The following EDA variants were observed in gnomAD, a reference collection of about 807,000 sequenced individuals.
EDA encodes the protein ectodysplasin-A.
In EDA, 2 loss-of-function variants were observed where a neutral mutation model predicts 23.6. The observed-to-expected ratio is 0.08, with a 90% confidence interval of 0.03 to 0.27. EDA has a LOEUF of 0.27. Ranked by LOEUF, EDA falls within the 10% of genes least tolerant of loss-of-function variation. EDA has a pLI of 1.00. For missense variants in EDA, 229 were observed against 324.2 expected (o/e 0.71, Z 2.26); for synonymous variants, 131 against 132.0 (o/e 0.99, Z 0.05).
At chrX:69,946,832 A>G (rs909070215) in intron 1 of EDA, among the ~76,000 whole-genome samples, 5 of 111,766 alleles carry the variant, frequency 4.5e-5, no homozygotes, top group African/African-American at 1.6e-4. Context: ...GAAATTTTGG[A>G]CAAGGAGAAA....
chrX:69,746,410 C>A (rs1269568649), intron 1 of EDA, among the ~76,000 whole-genome samples: 1 of 111,896 alleles, frequency 8.9e-6, no homozygotes, highest in African/African-American at 3.2e-5. Context: ...CCAACCCCAA[C>A]TTCTATTCTC....
chrX:69,746,429 A>G (rs1315867823), intron 1 of EDA, among the ~76,000 whole-genome samples: 1 of 111,585 alleles, frequency 9.0e-6, no homozygotes, highest in Non-Finnish European at 1.9e-5. Flanking sequence ...TCCTACATAT[A>G]CAGTTTTCTT....
chrX:69,935,025 TCCCA>T (rs1197385542), intron 1 of EDA, among the ~76,000 whole-genome samples: 1 of 111,875 alleles, frequency 8.9e-6, no homozygotes, highest in Non-Finnish European at 1.9e-5. Context: ...ATTGTTTAGC[TCCCA>T]CAAATGTGTG....
intron 1 of EDA, among the ~76,000 whole-genome samples, chrX:69,939,727 A>G (rs919784376): frequency 9.0e-6 from 1 of 111,483 alleles, no homozygotes; most frequent in Non-Finnish European, 1.9e-5. Context: ...TGGGTCTGTT[A>G]TATATGGCTT....
chrX:69,729,030 A>G (rs1263633035), intron 1 of EDA: 3 of 111,739 alleles, frequency 2.7e-5, no homozygotes, highest in Non-Finnish European at 5.6e-5. Flanking sequence ...ATTGATGCAG[A>G]GATTCTTAGG....
At chrX:70,035,300 G>T in intron 7 of EDA, 58 bp from the exon 8 acceptor site, 3 of 1,167,798 alleles carry the variant, frequency 2.6e-6, no homozygotes, top group Non-Finnish European at 2.3e-6. Context: ...CCACAGGGAG[G>T]GCCCCCCACC....
rs768326627 is a variant in EDA, at chrX:69,658,260, T to C, written c.396+41556T>C. 3.1e-3 allele frequency among the ~76,000 whole-genome samples: 295 copies of C among 94,847 alleles called. 1 individual carries two copies. Among genetic ancestry groups the C allele is most frequent in the Non-Finnish European group, 4.5e-3 (199 of 44,155 alleles). 82.4% of individuals were successfully genotyped at this position (94,847 alleles called of 115,157 possible). ...TGTGTGTGTGTGTGTGTATTGTAAA[T>C]GGAATTGCATTCTTGATTTGGCTCT... On this transcript the variant is annotated intron_variant, in intron 1 of 7. Transcript: ENST00000374552.
At chrX:69,670,684 C>T (rs1303074511) in intron 1 of EDA, among the ~76,000 whole-genome samples, 6 of 107,792 alleles carry the variant, frequency 5.6e-5, no homozygotes, top group African/African-American at 2.0e-4. Flanking sequence ...TTGATCTAGT[C>T]TGCTATTGAA....
intron 1 of EDA, among the ~76,000 whole-genome samples, chrX:69,954,685 CA>C (rs2018974601): frequency 2.7e-5 from 3 of 111,906 alleles, no homozygotes; most frequent in Admixed American, 9.5e-5. Flanking sequence ...TTTAAGTTCA[CA>C]GGTACATGTG....
chrX:69,935,340 C>G (rs1280513488), intron 1 of EDA, among the ~76,000 whole-genome samples: 1 of 111,024 alleles, frequency 9.0e-6, no homozygotes, highest in Non-Finnish European at 1.9e-5. Context: ...TATGGTAGTT[C>G]TATTTTTAGT....
chrX:69,877,349 G>C (rs1054168308), intron 1 of EDA, among the ~76,000 whole-genome samples: 3 of 111,574 alleles, frequency 2.7e-5, no homozygotes, highest in African/African-American at 9.8e-5. Context: ...CAATATATGA[G>C]AGTTCCTGTT....
At chrX:69,990,892 T>G (rs1452647116) in intron 2 of EDA, among the ~76,000 whole-genome samples, 3 of 110,607 alleles carry the variant, frequency 2.7e-5, no homozygotes, top group African/African-American at 9.9e-5. Flanking sequence ...CATTTTTCTC[T>G]GTTCTTCAGA....
chrX:70,007,031 G>T (rs2019811419), intron 2 of EDA, among the ~76,000 whole-genome samples: 1 of 111,126 alleles, frequency 9.0e-6, no homozygotes, highest in Admixed American at 9.6e-5. Flanking sequence ...CCATTAGGTT[G>T]CCTTTGCTCC....
At chrX:69,867,833 T>A (rs544690949) in intron 1 of EDA, among the ~76,000 whole-genome samples, 3 of 112,029 alleles carry the variant, frequency 2.7e-5, no homozygotes, top group African/African-American at 9.7e-5. Context: ...TGTAACTTAC[T>A]TGTGCCTTCA....
chrX:69,989,636 G>T (rs1183478419), intron 2 of EDA, among the ~76,000 whole-genome samples: 2 of 110,782 alleles, frequency 1.8e-5, no homozygotes, highest in Non-Finnish European at 3.8e-5. Context: ...CTGAAACACA[G>T]AAATATATAT....
chrX:69,688,410 A>T (rs1005822278), intron 1 of EDA, among the ~76,000 whole-genome samples: 1 of 110,516 alleles, frequency 9.0e-6, no homozygotes, highest in African/African-American at 3.3e-5. Flanking sequence ...CTTTTTATTT[A>T]TTTTTTTTGA....
At chrX:69,724,785 A>G (rs2012729160) in intron 1 of EDA, among the ~76,000 whole-genome samples, 1 of 112,169 alleles carries the variant, frequency 8.9e-6, no homozygotes, top group Admixed American at 9.5e-5. Flanking sequence ...TAGGCATTTA[A>G]TGTACTGTTC....
intron 1 of EDA, among the ~76,000 whole-genome samples, chrX:69,699,757 A>C (rs2147310139): frequency 9.1e-6 from 1 of 110,401 alleles, no homozygotes; most frequent in Non-Finnish European, 1.9e-5. Context: ...GAAAGTGAGG[A>C]CGGGGGCTGA....
At position 69,691,292 on chromosome X, in the gene EDA, A is replaced by G. The variant is rs766395231; in HGVS notation, c.396+74588A>G. ...GTGTAAAATCTCTAGCACAATACCT[A>G]TTTATGACAGATATTGTACCTTTCA... is the stretch of plus-strand genomic sequence containing the variant. On this transcript the variant is annotated intron_variant, in intron 1 of 7. Coordinates refer to ENST00000374552, the MANE Select transcript of EDA (RefSeq NM_001399.5). 2.1e-4 allele frequency among the ~76,000 whole-genome samples: 24 copies of G among 111,762 alleles called. No individual in the cohort carries two copies. In the East Asian group the frequency reaches 4.2e-3, roughly 20 times the overall value.
Sources: gnomAD v4.1 joint callset for allele counts (sites outside exome capture counted in the v4.1 genomes callset) on GRCh38, gnomAD v4.1.1 for gene constraint, MANE v1.5 for transcripts, NCBI Gene and HGNC (gene_info 2026-07-23, HGNC 2026-07-21) for gene names.